Variants in ZNF846 observed in about 807,000 individuals in gnomAD.
The protein encoded by ZNF846 is zinc finger protein 420 pseudogene.
ZNF846 carries 15 observed loss-of-function variants against 16.0 expected under a neutral mutation model. That is an observed-to-expected ratio of 0.94 (90% confidence interval 0.63 to 1.45). The LOEUF (loss-of-function observed/expected upper bound fraction) is 1.45. Among genes scored for constraint, ZNF846 ranks in the 40% most tolerant of loss-of-function variants. The pLI, the probability that ZNF846 is intolerant of heterozygous loss-of-function variation, is 0.00. For synonymous variants in ZNF846, 229 were observed against 212.0 expected (o/e 1.08, Z -0.70); for missense variants, 714 against 622.3 (o/e 1.15, Z -1.57).
intron 1 of ZNF846, among the ~76,000 whole-genome samples, chr19:9,776,707 T>C (rs1340630038): frequency 1.3e-5 from 2 of 152,192 alleles, no homozygotes; most frequent in African/African-American, 4.8e-5. Context: ...TGTCTTTATT[T>C]CTACACTCTC....
chr19:9,758,502 TGA>T lies in ZNF846; in HGVS notation c.573_574del (p.Gln194ArgfsTer5). 3.1e-6 allele frequency: 5 copies of T among 1,613,614 alleles called. No individual in the cohort carries two copies. The highest frequency in any genetic ancestry group is 4.2e-6 in the Non-Finnish European group (5 of 1,179,998). On this transcript the variant is annotated frameshift_variant, in exon 6 of 6. Transcript: ENST00000397902. LOFTEE classifies it low-confidence loss of function (END_TRUNC). ...GCATTCACACAATTTCTCTTGTGTG[TGA>T]GTTTTATTCTGCCTAGTAAGATTTG...
At chr19:9,756,343 GTGTATATATATATATATATATATATA>G (rs1385100899), downstream of ZNF846, 1 of 71,182 alleles carries the variant, frequency 1.4e-5, no homozygotes, top group Non-Finnish European at 2.5e-5. Context: ...GTGTGTGTGT[GTGTATATATATATATATATATATATA>G]TATATATATA....
At chr19:9,752,614 CAAAAA>C (rs34675292), downstream of ZNF846, among the ~76,000 whole-genome samples, 2 of 91,336 alleles carry the variant, frequency 2.2e-5, no homozygotes, top group African/African-American at 3.6e-5. Flanking sequence ...GACTTCATCC[CAAAAA>C]AAAAAAAAAA....
intron 1 of ZNF846, among the ~76,000 whole-genome samples, chr19:9,767,098 A>G (rs1394021891): frequency 1.3e-5 from 2 of 151,394 alleles, no homozygotes; most frequent in Non-Finnish European, 2.9e-5. Flanking sequence ...AAGTGCTGGG[A>G]TTACAGGGGT....
chr19:9,774,970 C>A (rs1455563621), intron 1 of ZNF846: 1 of 1,607,794 alleles, frequency 6.2e-7, no homozygotes, highest in Non-Finnish European at 8.5e-7. Flanking sequence ...AAATCTGCCA[C>A]GATTGGTTCC....
At chr19:9,750,673 A>T (rs1045445897), downstream of ZNF846, among the ~76,000 whole-genome samples, 5 of 152,140 alleles carry the variant, frequency 3.3e-5, no homozygotes, top group Non-Finnish European at 7.3e-5. Flanking sequence ...TCATCCCATT[A>T]ATCCCTTTAC....
chr19:9,774,198 GTGTCTT>G (rs1248401185), intron 1 of ZNF846, among the ~76,000 whole-genome samples: 1 of 152,200 alleles, frequency 6.6e-6, no homozygotes, highest in East Asian at 1.9e-4. Flanking sequence ...GCCGGGCGCA[GTGTCTT>G]ATGCCTGTAA....
intron 1 of ZNF846, among the ~76,000 whole-genome samples, chr19:9,778,094 C>G (rs549872370): frequency 6.6e-6 from 1 of 152,178 alleles, no homozygotes; most frequent in South Asian, 2.1e-4. Context: ...TAAATTTTCC[C>G]TGGAAGAGAC....
intron 4 of ZNF846, among the ~76,000 whole-genome samples, chr19:9,760,717 T>C (rs2045212299): frequency 6.6e-6 from 1 of 150,870 alleles, no homozygotes; most frequent in Non-Finnish European, 1.5e-5. Context: ...GAAAAAAATA[T>C]ATATATACAT....
chr19:9,774,955 G>A (rs1408011487), intron 1 of ZNF846: 4 of 1,608,724 alleles, frequency 2.5e-6, no homozygotes, highest in East Asian at 2.2e-5. Context: ...GTGACCTGTG[G>A]ACTAAAATCT....
downstream of ZNF846, among the ~76,000 whole-genome samples, chr19:9,757,194 C>CAA (rs34789194): frequency 0.016 from 2,028 of 128,460 alleles, 92 homozygotes; most frequent in African/African-American, 0.056. Context: ...GACTCTGTCT[C>CAA]AAAAAAAAAA....
downstream of ZNF846, among the ~76,000 whole-genome samples, chr19:9,753,998 T>C (rs1369998067): frequency 6.6e-6 from 1 of 151,734 alleles, no homozygotes; most frequent in African/African-American, 2.4e-5. Context: ...CCAATTGTTA[T>C]GCAGAATTGT....
intron 3 of ZNF846, among the ~76,000 whole-genome samples, chr19:9,762,805 C>T (rs2045250837): frequency 6.6e-6 from 1 of 152,102 alleles, no homozygotes; most frequent in South Asian, 2.1e-4. Flanking sequence ...CTGGTCTGTG[C>T]ATAAATCTCA....
At chr19:9,767,122 C>T (rs992005446) in intron 1 of ZNF846, among the ~76,000 whole-genome samples, 5 of 151,580 alleles carry the variant, frequency 3.3e-5, no homozygotes, top group African/African-American at 4.8e-5. Flanking sequence ...CCACTGTGCC[C>T]GGCCTAGTTT....
downstream of ZNF846, chr19:9,756,341 G>GTA (rs1227501667): frequency 8.5e-4 from 55 of 64,708 alleles, no homozygotes; most frequent in African/African-American, 2.3e-3. Context: ...GTGTGTGTGT[G>GTA]TGTGTATATA....
At chr19:9,752,437 G>C in exon 6 of ZNF846, 1 of 416,534 alleles carries the variant, frequency 2.4e-6, no homozygotes, top group East Asian at 8.0e-5. Context: ...ATGAAACTTC[G>C]TCTCTACAAA....
intron 5 of ZNF846, among the ~76,000 whole-genome samples, chr19:9,759,439 C>CAA (rs1007161875): frequency 7.0e-5 from 10 of 143,426 alleles, no homozygotes; most frequent in African/African-American, 2.3e-4. Flanking sequence ...CCCATCTCTA[C>CAA]AAAAAAAAAA....
At chr19:9,780,044 T>TTTTG in intron 1 of ZNF846, among the ~76,000 whole-genome samples, 26 of 133,706 alleles carry the variant, frequency 1.9e-4, no homozygotes, top group African/African-American at 7.4e-4. Flanking sequence ...GCCCAGCTAA[T>TTTTG]TTTGTTTTTT....
intron 1 of ZNF846, among the ~76,000 whole-genome samples, chr19:9,778,654 A>G (rs1351302492): frequency 1.3e-5 from 2 of 151,810 alleles, no homozygotes; most frequent in African/African-American, 2.4e-5. Context: ...AAAATACAAA[A>G]CAGCCAGGTG....
Sources: allele counts gnomAD v4.1 joint callset (sites outside exome capture counted in the v4.1 genomes callset), GRCh38; gene constraint gnomAD v4.1.1; transcripts MANE v1.5; gene names NCBI Gene and HGNC (gene_info 2026-07-23, HGNC 2026-07-21).